Variants in TMED3 observed in about 807,000 individuals in gnomAD.
The protein encoded by TMED3 is transmembrane p24 trafficking protein 3.
A neutral mutation model predicts 15.0 loss-of-function variants in TMED3; 9 were observed. The ratio of observed to expected loss-of-function variants is 0.60; its 90% CI spans 0.36 to 1.04. The LOEUF (loss-of-function observed/expected upper bound fraction) is 1.04. TMED3 is among the 50% of genes least tolerant of loss of function. TMED3 has a pLI of 0.01. For synonymous variants in TMED3, 117 were observed against 121.4 expected, an observed-to-expected ratio of 0.96 and a Z score of 0.24; for missense variants, 267 against 278.9, an observed-to-expected ratio of 0.96 and a Z score of 0.30.
intron 2 of TMED3, among the ~76,000 whole-genome samples, chr15:79,385,928 A>G (rs1893621660): frequency 6.6e-6 from 1 of 152,180 alleles, no homozygotes; most frequent in South Asian, 2.1e-4. Context: ...AAATGATAAA[A>G]CAACTGTTGG....
intron 2 of TMED3, among the ~76,000 whole-genome samples, chr15:79,388,422 G>GT (rs796078138): frequency 0.026 from 3,766 of 142,262 alleles, 159 homozygotes; most frequent in African/African-American, 0.087. Context: ...GGAGAATTAT[G>GT]TTTTTTTTTT....
intron 2 of TMED3, among the ~76,000 whole-genome samples, chr15:79,345,981 C>T (rs375350341): frequency 9.9e-5 from 15 of 152,166 alleles, no homozygotes; most frequent in African/African-American, 2.9e-4. Flanking sequence ...GTCATTTTCC[C>T]GCTTCTTAAT....
downstream of TMED3, among the ~76,000 whole-genome samples, chr15:79,325,516 G>A (rs748499727): frequency 8.5e-4 from 130 of 152,176 alleles, no homozygotes; most frequent in Non-Finnish European, 2.1e-4. Context: ...AAATGAACAC[G>A]TGTATTAGGG....
At chr15:79,361,326 G>A (rs890283696) in intron 2 of TMED3, among the ~76,000 whole-genome samples, 4 of 152,208 alleles carry the variant, frequency 2.6e-5, no homozygotes, top group Non-Finnish European at 5.9e-5. Flanking sequence ...TGAGGATTAA[G>A]TGAGGTAACT....
intron 2 of TMED3, among the ~76,000 whole-genome samples, chr15:79,373,818 A>G (rs1893383112): frequency 6.6e-6 from 1 of 152,226 alleles, no homozygotes; most frequent in Non-Finnish European, 1.5e-5. Flanking sequence ...AAGACAGGAC[A>G]ACTCGAAGCA....
intron 2 of TMED3, among the ~76,000 whole-genome samples, chr15:79,333,434 A>G (rs1214445537): frequency 6.6e-6 from 1 of 152,210 alleles, no homozygotes; most frequent in Non-Finnish European, 1.5e-5. Flanking sequence ...TTCCTAATAT[A>G]ACGCTAGACA....
At chr15:79,390,116 C>G (rs1039972077) in intron 2 of TMED3, among the ~76,000 whole-genome samples, 1 of 152,094 alleles carries the variant, frequency 6.6e-6, no homozygotes, top group Admixed American at 6.5e-5. Flanking sequence ...CTAGGACTTC[C>G]AGTACTACGT....
chr15:79,318,130 G>A (rs951207098), intron 2 of TMED3, among the ~76,000 whole-genome samples: 3 of 152,082 alleles, frequency 2.0e-5, no homozygotes, highest in African/African-American at 7.2e-5. Context: ...GCCTGGTGAC[G>A]TCCTGCCCAT....
At chr15:79,369,494 C>T (rs143263495) in intron 2 of TMED3, among the ~76,000 whole-genome samples, 1 of 152,182 alleles carries the variant, frequency 6.6e-6, no homozygotes, top group Non-Finnish European at 1.5e-5. Flanking sequence ...AGGTGGGATG[C>T]CTGTGCTTCT....
intron 2 of TMED3, among the ~76,000 whole-genome samples, chr15:79,385,964 C>T (rs1339907637): frequency 6.6e-6 from 1 of 152,130 alleles, no homozygotes; most frequent in African/African-American, 2.4e-5. Context: ...CACCAGAATC[C>T]ACAGTCTTCA....
downstream of TMED3, among the ~76,000 whole-genome samples, chr15:79,325,086 A>C (rs2058782531): frequency 6.6e-6 from 1 of 152,208 alleles, no homozygotes; most frequent in Non-Finnish European, 1.5e-5. Context: ...GCTAGCTCAC[A>C]TAGGAAACAG....
chr15:79,321,785 G>A (rs78614584), intron 2 of TMED3, among the ~76,000 whole-genome samples, 193 bp from the exon 3 acceptor site: 5,491 of 152,276 alleles, frequency 0.036, 319 homozygotes, highest in African/African-American at 0.13. Context: ...CTCTGGGCAA[G>A]TTACTTAACC....
At chr15:79,328,076 A>G (rs2058793726) in intron 2 of TMED3, among the ~76,000 whole-genome samples, 1 of 152,202 alleles carries the variant, frequency 6.6e-6, no homozygotes, top group African/African-American at 2.4e-5. Context: ...CTTCTGCTCA[A>G]GCTCTCTAGT....
chr15:79,338,901 C>CG (rs1289830646), intron 2 of TMED3, among the ~76,000 whole-genome samples: 2 of 152,138 alleles, frequency 1.3e-5, no homozygotes, highest in East Asian at 3.9e-4. Flanking sequence ...CTAAGCAGAC[C>CG]GGGAAAGGGA....
intron 2 of TMED3, among the ~76,000 whole-genome samples, chr15:79,401,858 G>T (rs990415903): frequency 1.3e-5 from 2 of 152,136 alleles, no homozygotes; most frequent in South Asian, 2.1e-4. Flanking sequence ...TGTGGTTAGC[G>T]ATTGAAATCC....
intron 2 of TMED3, among the ~76,000 whole-genome samples, chr15:79,356,980 A>G (rs994841954): frequency 3.3e-5 from 5 of 152,190 alleles, no homozygotes; most frequent in African/African-American, 1.2e-4. Context: ...AAACAAGGGA[A>G]AGCAAACTGA....
chr15:79,321,881 G>C, intron 2 of TMED3, 97 bp from the exon 3 acceptor site: 3 of 1,407,762 alleles, frequency 2.1e-6, no homozygotes, highest in Non-Finnish European at 2.9e-6. Flanking sequence ...GCATTCAGTG[G>C]ATATCACCTA....
At chr15:79,335,480 A>G (rs530351000) in intron 2 of TMED3, among the ~76,000 whole-genome samples, 1 of 152,324 alleles carries the variant, frequency 6.6e-6, no homozygotes, top group East Asian at 1.9e-4. Context: ...GAAATGATAC[A>G]CTGCTAATTT....
intron 2 of TMED3, among the ~76,000 whole-genome samples, chr15:79,401,981 C>G (rs1004903592): frequency 6.6e-6 from 1 of 152,012 alleles, no homozygotes; most frequent in Non-Finnish European, 1.5e-5. Context: ...GAGGCGAGGG[C>G]AGGGAAAGGA....
Sources: allele counts gnomAD v4.1 joint callset (sites outside exome capture counted in the v4.1 genomes callset), GRCh38; gene constraint gnomAD v4.1.1; transcripts MANE v1.5; gene names NCBI Gene and HGNC (gene_info 2026-07-23, HGNC 2026-07-21).